Variants in BPTF observed in about 807,000 individuals in gnomAD.
BPTF encodes the protein bromodomain PHD finger transcription factor, also known as nucleosome-remodeling factor subunit BPTF.
BPTF carries 18 observed loss-of-function variants against 292.5 expected under a neutral mutation model. The observed-to-expected ratio is 0.06, with a 90% CI of 0.04 to 0.09. The LOEUF is 0.09. BPTF is among the 10% of genes least tolerant of loss of function. The pLI, the probability that BPTF is intolerant of heterozygous loss-of-function variation, is 1.00. For missense variants in BPTF, 2,726 were observed against 3,498.7 expected, an observed-to-expected ratio of 0.78 and a Z score of 5.57; for synonymous variants, 1,225 against 1,251.9, an observed-to-expected ratio of 0.98 and a Z score of 0.45.
chr17:67,851,103 C>T (rs746673648), intron 1 of BPTF, among the ~76,000 whole-genome samples: 13 of 152,148 alleles, frequency 8.5e-5, no homozygotes, highest in Non-Finnish European at 1.5e-4. Context: ...GCTCCAGAGT[C>T]GGCCACTTAT....
In BPTF at chr17:67,921,769, C is replaced by T. The variant is rs1046207072; in HGVS notation, c.5558-1071C>T. 2.0e-5 allele frequency among the ~76,000 whole-genome samples: 3 copies of T among 150,986 alleles called. 1 individual carries two copies. Among genetic ancestry groups the T allele is most frequent in the South Asian group, 4.2e-4 (2 of 4,764 alleles). The stretch of plus-strand genomic sequence containing the variant: ...AACAGCGGCCAGGTGCGGTGGCTTC[C>T]GCCTGTAATTCCAGCGCTTTGGGAG... On this transcript the variant is annotated intron_variant, in intron 13 of 27. Coordinates refer to ENST00000306378, the MANE Select transcript of BPTF (RefSeq NM_182641.4).
At chr17:67,886,530 CA>C (rs1250633522) in intron 4 of BPTF, among the ~76,000 whole-genome samples, 1 of 151,008 alleles carries the variant, frequency 6.6e-6, no homozygotes, top group Non-Finnish European at 1.5e-5. Flanking sequence ...TTTTTGTTTT[CA>C]AAATCTACAA....
In BPTF at chr17:67,912,735, A is replaced by G; in HGVS notation, c.4851A>G (p.Thr1617=). 1 of 1,614,092 alleles carries G rather than the reference A, an allele frequency of 6.2e-7. No homozygotes were observed. Among genetic ancestry groups the G allele is most frequent in the Non-Finnish European group, 8.5e-7 (1 of 1,180,038 alleles). The part of the protein sequence containing the change: ...KGDKQTVVSS[T]ENCAKSTVTT... ...ATAAGCAAACTGTGGTTTCTTCCAC[A>G]GAAAATTGTGCAAAATCCACTGTCA... The change falls in exon 11 of 28, where the codon ACA becomes ACG. Residue 1617 remains threonine (T), a synonymous_variant. Transcript: ENST00000306378.
At chr17:67,878,888 C>G (rs1319882340) in intron 4 of BPTF, among the ~76,000 whole-genome samples, 1 of 151,982 alleles carries the variant, frequency 6.6e-6, no homozygotes, top group East Asian at 1.9e-4. Context: ...TCTCATGTTC[C>G]TGGGGGTAAA....
intron 24 of BPTF, 47 bp downstream of exon 24, chr17:67,959,922 C>G (rs782708217): frequency 1.5e-6 from 2 of 1,359,830 alleles, no homozygotes; most frequent in South Asian, 3.1e-5. Context: ...GAAAGTTTAG[C>G]TATTAAATTG....
intron 27 of BPTF, among the ~76,000 whole-genome samples, chr17:67,978,286 A>G (rs2069803738): frequency 7.6e-6 from 1 of 131,266 alleles, no homozygotes; most frequent in African/African-American, 2.6e-5. Context: ...GTGCTGGGCC[A>G]GAAATATATA....
At chr17:67,934,475 C>T (rs958916684) in intron 18 of BPTF, among the ~76,000 whole-genome samples, 4 of 150,644 alleles carry the variant, frequency 2.7e-5, no homozygotes, top group African/African-American at 9.8e-5. Flanking sequence ...GCGGAGATTG[C>T]ACCACTGCAC....
At chr17:67,855,731 G>A (rs1384242606) in intron 2 of BPTF, among the ~76,000 whole-genome samples, 2 of 152,196 alleles carry the variant, frequency 1.3e-5, no homozygotes, top group African/African-American at 4.8e-5. Context: ...GGGCTACTTT[G>A]TGTCTTCAGC....
Position 67,966,664 on chromosome 17 carries a change from C to T in BPTF, c.8539+8C>T, listed in dbSNP as rs1555687673. ...TTATTAAGGAACCTATGGGTAAGTA[C>T]ATGAGTTGAATATGAAGTTTTTCAG... is the stretch of plus-strand genomic sequence containing the variant. On this transcript the variant is annotated splice_region_variant and intron_variant, in intron 26 of 27. Coordinates refer to ENST00000306378, the MANE Select transcript of BPTF (RefSeq NM_182641.4). 1 of 1,504,898 alleles carries T rather than the reference C, an allele frequency of 6.6e-7. No individual in the cohort carries two copies. The highest frequency in any genetic ancestry group is 1.4e-5 in the African/African-American group (1 of 70,198). The allele number at this position is 1,504,898 out of a possible 1,614,324, so 93.2% of individuals were successfully genotyped here. A position where few individuals can be genotyped will look rare whatever the true frequency, so the allele number is the denominator to read the frequency against.
At chr17:67,930,365 A>G (rs1190549854) in intron 17 of BPTF, among the ~76,000 whole-genome samples, 1 of 151,528 alleles carries the variant, frequency 6.6e-6, no homozygotes. Context: ...TGCCTGGCTA[A>G]TTTTTGTATT....
chr17:67,854,281 T>C lies in BPTF; in HGVS notation c.955T>C (p.Tyr319His). ...DLKDSVNSTL[Y>H]FIDGMTWPEV... is the part of the protein sequence containing the mutation. ...GAAAGATAGCGTTAATTCCACACTG[T>C]ATTTCATAGATGGGATGACGTGGCC... The change falls in exon 2 of 28, where the codon TAT (tyrosine) becomes CAT (histidine). Residue 319 changes from tyrosine to histidine, a missense_variant. Coordinates refer to ENST00000306378, the MANE Select transcript of BPTF (RefSeq NM_182641.4). This position sits in a 1 kb window ranked among gnomAD's most constrained non-coding sequence, Gnocchi z 5.6. 6.2e-7 allele frequency: 1 copy of C among 1,614,216 alleles called. No homozygotes were observed. Among genetic ancestry groups the C allele is most frequent in the East Asian group, 2.2e-5 (1 of 44,892 alleles).
At chr17:67,973,271 G>A (rs1185479987) in intron 26 of BPTF, among the ~76,000 whole-genome samples, 1 of 150,350 alleles carries the variant, frequency 6.7e-6, no homozygotes, top group African/African-American at 2.4e-5. Flanking sequence ...CTACTCCAGA[G>A]GCTGAGGCAG....
At chr17:67,902,567 G>A (rs777325912) in intron 7 of BPTF, among the ~76,000 whole-genome samples, 8 of 152,104 alleles carry the variant, frequency 5.3e-5, no homozygotes, top group Admixed American at 6.6e-5. Flanking sequence ...GAGAGACTAC[G>A]AAGAGCCTAT....
Position 67,920,075 on chromosome 17 carries a change from A to G in BPTF, c.5489A>G (p.Tyr1830Cys). The change falls in exon 13 of 28, where the codon TAT becomes TGT. Residue 1830 changes from tyrosine (Y) to cysteine (C), a missense_variant. Around this residue, in one of 22 missense-constraint regions of BPTF, gnomAD observed 198 missense variants for 277.1 expected, o/e 0.71. Transcript: ENST00000306378. ...EIIKRRDVGP[Y>C]GIRSEYCIRK... ...ATTAAGAGGAGAGATGTTGGTCCTT[A>G]TGGCATTCGATCTGAATATTGTATC... The G allele has an allele frequency of 8.7e-6, 14 of 1,611,700 alleles. No individual in the cohort carries two copies. The highest frequency in any genetic ancestry group is 1.2e-5 in the Non-Finnish European group (14 of 1,177,922).
chr17:67,848,151 G>A (rs528985198), intron 1 of BPTF, among the ~76,000 whole-genome samples: 14 of 148,704 alleles, frequency 9.4e-5, no homozygotes, highest in African/African-American at 3.3e-4. Context: ...AGGTCTAGAA[G>A]TCTGAAAACA....
intron 27 of BPTF, among the ~76,000 whole-genome samples, chr17:67,978,513 G>A (rs1385476289): frequency 1.3e-5 from 2 of 150,966 alleles, no homozygotes; most frequent in Admixed American, 6.6e-5. Flanking sequence ...TGACCAAGCC[G>A]GTCTCAAACT....
At chr17:67,972,259 G>A (rs1193487244) in intron 26 of BPTF, among the ~76,000 whole-genome samples, 1 of 151,604 alleles carries the variant, frequency 6.6e-6, no homozygotes, top group African/African-American at 2.4e-5. Flanking sequence ...TTTTTGAGAA[G>A]GAATCTCACT....
At position 67,826,247 on chromosome 17, in the gene BPTF, T is replaced by A; in HGVS notation, c.523T>A (p.Tyr175Asn). Residue 175 changes from tyrosine (Y) to asparagine (N), a missense_variant, in exon 1 of 28, where the codon TAT becomes AAT. Around this residue, in one of 22 missense-constraint regions of BPTF, gnomAD observed 153 missense variants for 178.3 expected, o/e 0.86. Coordinates refer to ENST00000306378, the MANE Select transcript of BPTF (RefSeq NM_182641.4). ...GGAAGAGGACGACGATGACTCCGAT[T>A]ATCCGGAGGAGATGGAAGACGACGA... ...EMEEDDDDSD[Y>N]PEEMEDDDDD... The A allele has an allele frequency of 6.2e-7, 1 of 1,613,476 alleles. No individual in the cohort carries two copies. Among genetic ancestry groups the A allele is most frequent in the Non-Finnish European group, 8.5e-7 (1 of 1,179,740 alleles).
rs1012381606 is a variant in BPTF at position 67,940,501 on chromosome 17, G to A, written c.6322G>A (p.Ala2108Thr). ...GCAGCCTGTCTCCACTGCAGTCTCCGCCCCTAACACGGTTTCCTCAACACC... is the reference window on the plus strand; with the variant it reads ...GCAGCCTGTCTCCACTGCAGTCTCCACCCCTAACACGGTTTCCTCAACACC... The part of the protein sequence containing the change: ...RGQPVSTAVS[A>T]PNTVSSTPGQ... The change falls in exon 19 of 28, where the codon GCC (alanine) becomes ACC (threonine). Residue 2108 changes from alanine (A) to threonine (T), a missense_variant. Around this residue, in one of 22 missense-constraint regions of BPTF, gnomAD observed 570 missense variants for 633.5 expected, o/e 0.90. Coordinates refer to ENST00000306378, the MANE Select transcript of BPTF (RefSeq NM_182641.4). 10 of 1,613,860 alleles carry A rather than the reference G, an allele frequency of 6.2e-6. No homozygotes were observed. Among genetic ancestry groups the A allele is most frequent in the African/African-American group, 1.3e-5 (1 of 74,828 alleles).
Sources: allele counts gnomAD v4.1 joint callset (sites outside exome capture counted in the v4.1 genomes callset), GRCh38; gene constraint gnomAD v4.1.1; regional missense constraint gnomAD v4.1.1; non-coding constraint Gnocchi (gnomAD v3.1); transcripts MANE v1.5; gene names NCBI Gene and HGNC (gene_info 2026-07-23, HGNC 2026-07-21).